Variants in ATP8A2 observed in about 807,000 individuals in gnomAD.
ATP8A2 encodes ATPase phospholipid transporting 8A2.
A neutral mutation model predicts 165.6 loss-of-function variants in ATP8A2; 100 were observed. The ratio of observed to expected loss-of-function variants is 0.60; its 90% confidence interval spans 0.51 to 0.71. The LOEUF is 0.71. Among genes scored for constraint, ATP8A2 ranks in the 30% least tolerant of loss-of-function variants. ATP8A2 has a pLI of 0.00. For synonymous variants in ATP8A2, 543 were observed against 548.8 expected (o/e 0.99, Z 0.15); for missense variants, 1,227 against 1,479.5 (o/e 0.83, Z 2.80).
At chr13:25,849,415 A>G (rs1308397306) in intron 30 of ATP8A2, among the ~76,000 whole-genome samples, 3 of 152,210 alleles carry the variant, frequency 2.0e-5, no homozygotes, top group Non-Finnish European at 4.4e-5. Context: ...CTGGATGATG[A>G]TGTAATGTTT....
chr13:25,541,991 G>T lies in ATP8A2; in HGVS notation c.724G>T (p.Gly242Trp), dbSNP rs757425768. The T allele has an allele frequency of 1.2e-6, 2 of 1,614,066 alleles. No individual in the cohort carries two copies. Among genetic ancestry groups the T allele is most frequent in the South Asian group, 2.2e-5 (2 of 91,072 alleles). ...GTTATCTGGAACTATAGAGTGTGAA[G>T]GGCCCAACCGCCACCTCTATGACTT... ...MKLSGTIECE[G>W]PNRHLYDFTG... The change falls in exon 9 of 37, where the codon GGG (glycine) becomes TGG (tryptophan). Residue 242 changes from glycine (G) to tryptophan (W), a missense_variant. By Grantham distance (184) the Gly-to-Trp change is radical. Around this residue, in one of 5 missense-constraint regions of ATP8A2, gnomAD observed 356 missense variants for 394.9 expected, o/e 0.90. Coordinates refer to ENST00000381655, the MANE Select transcript of ATP8A2 (RefSeq NM_016529.6).
intron 9 of ATP8A2, among the ~76,000 whole-genome samples, chr13:25,542,771 T>C (rs2038524057): frequency 6.6e-6 from 1 of 152,186 alleles, no homozygotes; most frequent in African/African-American, 2.4e-5. Context: ...TACATAGCTA[T>C]ACTATGGGCT....
chr13:25,682,307 T>C (rs1419804343), intron 24 of ATP8A2, among the ~76,000 whole-genome samples: 1 of 151,960 alleles, frequency 6.6e-6, no homozygotes, highest in Admixed American at 6.5e-5. Flanking sequence ...GCAAACACCT[T>C]ATAGTTTTGA....
chr13:25,507,486 G>A (rs2037087145), intron 2 of ATP8A2, among the ~76,000 whole-genome samples: 1 of 151,982 alleles, frequency 6.6e-6, no homozygotes, highest in Non-Finnish European at 1.5e-5. Context: ...GGCTGGTCAC[G>A]AACTCCTGAC....
intron 25 of ATP8A2, among the ~76,000 whole-genome samples, chr13:25,757,109 C>T (rs1003131519): frequency 6.6e-6 from 1 of 152,170 alleles, no homozygotes; most frequent in Admixed American, 6.5e-5. Context: ...CACCTACTCT[C>T]CAGGAGATGG....
intron 30 of ATP8A2, among the ~76,000 whole-genome samples, chr13:25,845,623 G>A (rs1406821194): frequency 6.6e-6 from 1 of 152,120 alleles, no homozygotes; most frequent in African/African-American, 2.4e-5. Context: ...TGTAAGATCA[G>A]CCATGTTTTG....
chr13:25,839,921 T>C (rs1190918065), intron 30 of ATP8A2, among the ~76,000 whole-genome samples: 3 of 152,188 alleles, frequency 2.0e-5, no homozygotes, highest in Non-Finnish European at 4.4e-5. Context: ...GAAAGCCCTG[T>C]ACTGTAATGA....
At chr13:25,909,978 C>G (rs1238090877) in intron 33 of ATP8A2, among the ~76,000 whole-genome samples, 1 of 152,168 alleles carries the variant, frequency 6.6e-6, no homozygotes. Flanking sequence ...AATTTCCATT[C>G]CTTTTTCAAG....
chr13:25,374,160 TC>T (rs1328600388), intron 1 of ATP8A2, among the ~76,000 whole-genome samples: 3 of 151,470 alleles, frequency 2.0e-5, no homozygotes, highest in African/African-American at 7.3e-5. Context: ...GCCAGGGAGG[TC>T]CCCGGAAACC....
At chr13:25,444,898 G>A (rs4329770) in intron 1 of ATP8A2, among the ~76,000 whole-genome samples, 89,825 of 152,018 alleles carry the variant, frequency 0.59, 26,608 homozygotes, top group East Asian at 0.69. Flanking sequence ...TCAGCCTCCC[G>A]AAGTGCTGGG....
intron 25 of ATP8A2, among the ~76,000 whole-genome samples, chr13:25,752,229 G>A (rs973958365): frequency 5.3e-5 from 8 of 152,102 alleles, no homozygotes; most frequent in Non-Finnish European, 4.4e-5. Context: ...GGGAGGCTGA[G>A]GCAGGTGGAT....
intron 35 of ATP8A2, among the ~76,000 whole-genome samples, chr13:25,999,417 A>C (rs2139316155): frequency 6.6e-6 from 1 of 152,226 alleles, no homozygotes; most frequent in East Asian, 1.9e-4. Context: ...CCACATCTGA[A>C]ACTGGATTCA....
At chr13:25,378,351 G>A (rs2032713152) in intron 1 of ATP8A2, among the ~76,000 whole-genome samples, 2 of 112,866 alleles carry the variant, frequency 1.8e-5, no homozygotes, top group East Asian at 2.5e-4. Flanking sequence ...CCAGAGTTTT[G>A]CATTTTTTTT....
Position 26,025,582 on chromosome 13 carries a change from T to C in ATP8A2, c.*5597T>C, listed in dbSNP as rs573351169. 45 of 152,376 alleles carry C rather than the reference T, an allele frequency of 3.0e-4. No individual in the cohort carries two copies. Among genetic ancestry groups the C allele is most frequent in the African/African-American group, 1.1e-3 (45 of 41,546 alleles). The allele number at this position is 152,376 out of a possible 1,614,324, so 9.4% of individuals were successfully genotyped here. On this transcript the variant is annotated 3_prime_UTR_variant, in exon 37 of 37. Coordinates refer to ENST00000381655, the MANE Select transcript of ATP8A2 (RefSeq NM_016529.6). ...CACGTTTAATTGGCTCCCAGCAGCG[T>C]GGGGGGTGCTTCTATGGTGTGTGGG...
intron 33 of ATP8A2, among the ~76,000 whole-genome samples, chr13:25,887,818 C>T (rs1953207568): frequency 6.6e-6 from 1 of 152,086 alleles, no homozygotes; most frequent in African/African-American, 2.4e-5. Context: ...TGAGGATTCC[C>T]AGTTTGTTTG....
At chr13:25,671,377 A>G (rs545123868) in intron 24 of ATP8A2, among the ~76,000 whole-genome samples, 2 of 152,304 alleles carry the variant, frequency 1.3e-5, no homozygotes, top group East Asian at 1.9e-4. Flanking sequence ...GATAACAGCA[A>G]TTGTTCAGGG....
At chr13:25,614,610 T>C (rs2040774125) in intron 24 of ATP8A2, among the ~76,000 whole-genome samples, 1 of 152,142 alleles carries the variant, frequency 6.6e-6, no homozygotes, top group Non-Finnish European at 1.5e-5. Context: ...ATTTTTCTGG[T>C]TCCTTCTCAT....
At chr13:25,585,070 A>G (rs1415395899) in intron 23 of ATP8A2, among the ~76,000 whole-genome samples, 1 of 152,246 alleles carries the variant, frequency 6.6e-6, no homozygotes, top group East Asian at 1.9e-4. Context: ...CACACAGTCA[A>G]ATCAAGTTCC....
chr13:25,556,054 A>T (rs1323845174), intron 13 of ATP8A2, among the ~76,000 whole-genome samples: 1 of 152,128 alleles, frequency 6.6e-6, no homozygotes, highest in South Asian at 2.1e-4. Flanking sequence ...TGTCTTTGCT[A>T]TTGTGAATAG....
Sources: gnomAD v4.1 joint callset for allele counts (sites outside exome capture counted in the v4.1 genomes callset) on GRCh38, gnomAD v4.1.1 for gene constraint, gnomAD v4.1.1 regional missense constraint, MANE v1.5 for transcripts, NCBI Gene and HGNC (gene_info 2026-07-23, HGNC 2026-07-21) for gene names.